NCKAP5: variants seen among roughly 807,000 people sequenced by gnomAD.
NCKAP5 encodes nck-associated protein 5.
In NCKAP5, 92 loss-of-function variants were observed where a neutral mutation model predicts 167.0. That is an observed-to-expected ratio of 0.55 (90% confidence interval 0.47 to 0.66). NCKAP5 has a LOEUF of 0.66. Ranked by LOEUF, NCKAP5 falls within the 30% of genes least tolerant of loss-of-function variation. The probability of loss-of-function intolerance (pLI) is 0.00; values close to 1 mark genes in which losing one functional copy is unlikely to be tolerated. For missense variants in NCKAP5, 2,378 were observed against 2,315.0 expected, an observed-to-expected ratio of 1.03 and a Z score of -0.56; for synonymous variants, 891 against 877.4, an observed-to-expected ratio of 1.02 and a Z score of -0.27.
At chr2:133,243,699 T>A (rs72985653) in intron 4 of NCKAP5, among the ~76,000 whole-genome samples, 12,487 of 152,272 alleles carry the variant, frequency 0.082, 1,628 homozygotes, top group African/African-American at 0.28. Flanking sequence ...TAAATTAGAA[T>A]ACACATGAAT....
chr2:133,545,419 G>A (rs1314992214), intron 2 of NCKAP5, among the ~76,000 whole-genome samples: 1 of 152,124 alleles, frequency 6.6e-6, no homozygotes, highest in African/African-American at 2.4e-5. Flanking sequence ...GGAAGCTGCT[G>A]TCCAAGGCAG....
the NCKAP5 span, among the ~76,000 whole-genome samples, chr2:133,603,146 C>T: frequency 5.9e-4 from 90 of 151,548 alleles, no homozygotes; most frequent in Non-Finnish European, 8.5e-4. Flanking sequence ...GCAGCCTCCT[C>T]GGAGCCTCCC....
intron 5 of NCKAP5, among the ~76,000 whole-genome samples, chr2:133,180,215 C>A (rs906894530): frequency 6.6e-6 from 1 of 152,064 alleles, no homozygotes; most frequent in Non-Finnish European, 1.5e-5. Context: ...TATACCCAGT[C>A]AAAGTATCCC....
chr2:133,106,376 A>C (rs1482289870), intron 6 of NCKAP5, among the ~76,000 whole-genome samples: 1 of 151,566 alleles, frequency 6.6e-6, no homozygotes, highest in African/African-American at 2.4e-5. Flanking sequence ...ATGCCAGGGG[A>C]TACGTTTTAG....
At chr2:132,861,611 C>T (rs938443695) in intron 10 of NCKAP5, among the ~76,000 whole-genome samples, 3 of 152,114 alleles carry the variant, frequency 2.0e-5, no homozygotes, top group African/African-American at 7.2e-5. Context: ...CTTCCACTGC[C>T]ACTTTTCCTT....
At chr2:132,820,446 T>C (rs1200829252) in intron 11 of NCKAP5, among the ~76,000 whole-genome samples, 1 of 152,160 alleles carries the variant, frequency 6.6e-6, no homozygotes, top group Non-Finnish European at 1.5e-5. Context: ...GCCAGGATGG[T>C]CTCGATCTCC....
chr2:133,410,296 A>C (rs927871793), intron 3 of NCKAP5, among the ~76,000 whole-genome samples: 1 of 152,216 alleles, frequency 6.6e-6, no homozygotes, highest in Non-Finnish European at 1.5e-5. Flanking sequence ...CTGTTCAACA[A>C]AGAGCATAGC....
Position 133,142,737 on chromosome 2 carries a change from G to T in NCKAP5, c.208-12626C>A, listed in dbSNP as rs1292928867. On this transcript the variant is annotated intron_variant, in intron 5 of 19. Coordinates refer to ENST00000409261, the MANE Select transcript of NCKAP5 (RefSeq NM_207363.3). ...ACTAAGTCCAATTGAGGTCCTAAAA[G>T]ATACCAATTTGTCCAGGGTGATCCA... Among the ~76,000 whole-genome samples the T allele has an allele frequency of 1.5e-4, 23 of 152,118 alleles. 1 individual carries two copies. Among genetic ancestry groups the T allele is most frequent in the Admixed American group, 1.5e-3 (23 of 15,248 alleles).
rs141110518 is a variant in NCKAP5, at chr2:133,090,636, G to A, written c.341+39342C>T. ...AATTTCTGTCCTTTTAAGCCACCAA[G>A]TCTGTGGTAATTGGTTATAGCAACC... is the stretch of plus-strand genomic sequence containing the variant. On this transcript the variant is annotated intron_variant, in intron 6 of 19. Coordinates refer to ENST00000409261, the MANE Select transcript of NCKAP5 (RefSeq NM_207363.3). Among the ~76,000 whole-genome samples the A allele has an allele frequency of 1.2e-4, 18 of 152,304 alleles. No homozygotes were observed. In the East Asian group the frequency reaches 3.1e-3, roughly 26 times the overall value.
At chr2:133,085,050 C>G (rs2080939816) in intron 6 of NCKAP5, among the ~76,000 whole-genome samples, 1 of 152,030 alleles carries the variant, frequency 6.6e-6, no homozygotes, top group Admixed American at 6.6e-5. Context: ...ATATAAAAAC[C>G]ATTTCTTAGC....
At chr2:133,580,270 T>C in the NCKAP5 span, among the ~76,000 whole-genome samples, 5 of 152,346 alleles carry the variant, frequency 3.3e-5, no homozygotes, top group East Asian at 3.9e-4. Flanking sequence ...GAAGAAAAGA[T>C]AGAGATAAAT....
the NCKAP5 span, among the ~76,000 whole-genome samples, chr2:133,641,869 T>C: frequency 1.7e-3 from 257 of 152,338 alleles, 1 homozygote; most frequent in Admixed American, 3.9e-3. Context: ...TATCCTATTA[T>C]AGCAAAGTGC....
chr2:133,296,783 A>G (rs1285791139), intron 4 of NCKAP5, among the ~76,000 whole-genome samples: 1 of 152,164 alleles, frequency 6.6e-6, no homozygotes, highest in Non-Finnish European at 1.5e-5. Context: ...CCAAGTCCCC[A>G]AAACCTCCAG....
intron 11 of NCKAP5, among the ~76,000 whole-genome samples, chr2:132,837,436 C>T (rs78386546): frequency 0.028 from 4,322 of 152,050 alleles, 197 homozygotes; most frequent in African/African-American, 0.1. Context: ...ACTTTTTTAA[C>T]TTACTGGGAA....
intron 5 of NCKAP5, among the ~76,000 whole-genome samples, chr2:133,176,411 T>A (rs1260534929): frequency 6.6e-6 from 1 of 152,236 alleles, no homozygotes; most frequent in Admixed American, 6.5e-5. Context: ...AACCACTTTT[T>A]TTTTTAATGT....
chr2:132,868,569 G>A (rs13389841), intron 10 of NCKAP5, among the ~76,000 whole-genome samples: 2,822 of 152,200 alleles, frequency 0.019, 77 homozygotes, highest in African/African-American at 0.065. Context: ...AACTCTTGCT[G>A]AATTTTAGAC....
At chr2:133,364,211 C>A (rs1317622941) in intron 3 of NCKAP5, among the ~76,000 whole-genome samples, 1 of 152,114 alleles carries the variant, frequency 6.6e-6, no homozygotes, top group Non-Finnish European at 1.5e-5. Context: ...ACCTTGTCTG[C>A]TTGACTCTGA....
chr2:133,322,298 G>A (rs968869819), intron 3 of NCKAP5, among the ~76,000 whole-genome samples: 4 of 152,034 alleles, frequency 2.6e-5, no homozygotes, highest in African/African-American at 4.8e-5. Flanking sequence ...ATGCAAGAAA[G>A]TTCTATGCAG....
intron 19 of NCKAP5, among the ~76,000 whole-genome samples, chr2:132,702,382 AT>A (rs1159913239): frequency 6.6e-6 from 1 of 152,106 alleles, no homozygotes; most frequent in Non-Finnish European, 1.5e-5. Flanking sequence ...CAGGGAAGAT[AT>A]TTTAGGTGAT....
Sources: allele counts gnomAD v4.1 joint callset (sites outside exome capture counted in the v4.1 genomes callset), GRCh38; gene constraint gnomAD v4.1.1; transcripts MANE v1.5; gene names NCBI Gene and HGNC (gene_info 2026-07-23, HGNC 2026-07-21).